GALNT12: variants seen among roughly 807,000 people sequenced by gnomAD.
The protein encoded by GALNT12 is polypeptide N-acetylgalactosaminyltransferase 12.
Under a neutral mutation model 55.5 loss-of-function variants are expected in GALNT12, and 45 were observed. That is an observed-to-expected ratio of 0.81 (90% CI 0.64 to 1.04). The LOEUF (loss-of-function observed/expected upper bound fraction) is 1.04. Ranked by LOEUF, GALNT12 falls within the 50% of genes least tolerant of loss-of-function variation. The pLI is 0.00. For synonymous variants in GALNT12, 304 were observed against 312.2 expected (o/e 0.97, Z 0.28); for missense variants, 709 against 754.8 (o/e 0.94, Z 0.71).
At chr9:98,845,207 C>T (rs1194379879) in intron 8 of GALNT12, among the ~76,000 whole-genome samples, 10 of 152,094 alleles carry the variant, frequency 6.6e-5, no homozygotes, top group African/African-American at 2.2e-4. Flanking sequence ...CCAACACTAC[C>T]GAATCCCAGA....
intron 1 of GALNT12, among the ~76,000 whole-genome samples, chr9:98,820,819 T>C (rs1442803035): frequency 6.6e-6 from 1 of 152,220 alleles, no homozygotes. Context: ...TATCTCTTCT[T>C]ATTGGTTCAT....
intron 1 of GALNT12, among the ~76,000 whole-genome samples, chr9:98,820,861 G>A (rs750980735): frequency 2.0e-5 from 3 of 152,168 alleles, no homozygotes; most frequent in South Asian, 2.1e-4. Context: ...ACCCAGGGCT[G>A]CTTAACTTTG....
rs1836004426 is a variant in GALNT12, at chr9:98,831,823, C to G, written c.783C>G (p.Asp261Glu). Residue 261 changes from aspartate (D) to glutamate (E), a missense_variant, in exon 4 of 10, where the codon GAC (aspartate) becomes GAG (glutamate). Physicochemically the swap from Asp to Glu is conservative, Grantham distance 45. Around this residue, in one of 5 missense-constraint regions of GALNT12, gnomAD observed 315 missense variants for 288.6 expected, o/e 1.09. Transcript: ENST00000375011. Reference sequence around the variant, plus strand: ...TGTGCCCGGTGATTGATGTGATCGACTGGAACACCTTCGAATACCTGGGGA... The same window carrying G: ...TGTGCCCGGTGATTGATGTGATCGAGTGGAACACCTTCGAATACCTGGGGA... Reference protein sequence around the residue: ...AVVCPVIDVIDWNTFEYLGNS... With the variant: ...AVVCPVIDVIEWNTFEYLGNS... 6.2e-7 allele frequency: 1 copy of G among 1,614,078 alleles called. No homozygotes were observed. The highest frequency in any genetic ancestry group is 1.3e-5 in the African/African-American group (1 of 74,922).
chr9:98,825,087 G>A (rs915042970), intron 2 of GALNT12, among the ~76,000 whole-genome samples: 3 of 152,230 alleles, frequency 2.0e-5, no homozygotes, highest in Non-Finnish European at 4.4e-5. Flanking sequence ...CATTGAATGA[G>A]ATGAGGAGGG....
At position 98,826,856 on chromosome 9, in the gene GALNT12, G is replaced by A. The variant is rs770798296; in HGVS notation, c.646G>A (p.Ala216Thr). 8.1e-6 allele frequency: 13 copies of A among 1,605,802 alleles called. No homozygotes were observed. Among genetic ancestry groups the A allele is most frequent in the Non-Finnish European group, 1.1e-5 (13 of 1,176,638 alleles). Residue 216 changes from alanine (A) to threonine (T), a missense_variant, in exon 3 of 10, where the codon GCG becomes ACG. Transcript: ENST00000375011. ...CCTGGTGCGAGCCCGGCTGCTGGGG[G>A]CGTCTGCGGCGAGGGGCGATGTTCT... Reference protein sequence around the residue: ...EGLVRARLLGASAARGDVLTF... With the variant: ...EGLVRARLLGTSAARGDVLTF...
rs141654874 is a variant in GALNT12 at position 98,826,251 on chromosome 9, G to C, written c.542-501G>C. 2.3e-3 allele frequency among the ~76,000 whole-genome samples: 351 copies of C among 152,286 alleles called. 1 individual carries two copies. The highest frequency in any genetic ancestry group is 8.2e-3 in the African/African-American group (340 of 41,562). On this transcript the variant is annotated intron_variant, in intron 2 of 9. Transcript: ENST00000375011. The stretch of plus-strand genomic sequence containing the variant: ...AGGTTATCTAGAAATCACCTAGGTA[G>C]TACTTGGCACAGCAAGTCCTCTTTA...
intron 1 of GALNT12, among the ~76,000 whole-genome samples, chr9:98,819,295 C>T (rs1179287386): frequency 6.6e-6 from 1 of 152,192 alleles, no homozygotes; most frequent in Admixed American, 6.5e-5. Context: ...TTCTCTGGAG[C>T]ACAAAGCCTT....
rs780652927 is a variant in GALNT12 at position 98,826,786 on chromosome 9, G to A, written c.576G>A (p.Ser192=). 21 of 1,611,704 alleles carry A rather than the reference G, an allele frequency of 1.3e-5. No homozygotes were observed. The highest frequency in any genetic ancestry group is 2.1e-4 in the Middle Eastern group (1 of 4,740). The change falls in exon 3 of 10, where the codon TCG becomes TCA. Residue 192 remains serine, a synonymous_variant. Transcript: ENST00000375011. ...HLKERLANEL[S]GLPKVRLIRA... The stretch of plus-strand genomic sequence containing the variant: ...AGGAGCGCTTGGCCAATGAGCTTTC[G>A]GGACTGCCCAAGGTGCGCCTGATCC...
chr9:98,831,750 T>G (rs1472340290), intron 3 of GALNT12, 22 bp from the exon 4 acceptor site: 1 of 1,613,994 alleles, frequency 6.2e-7, no homozygotes, highest in African/African-American at 1.3e-5. Flanking sequence ...GAGAGACGGA[T>G]GGATGTCTTG....
At chr9:98,838,490 T>C (rs1212065485) in intron 6 of GALNT12, among the ~76,000 whole-genome samples, 1 of 152,244 alleles carries the variant, frequency 6.6e-6, no homozygotes, top group Non-Finnish European at 1.5e-5. Context: ...TGTCGGAGGC[T>C]GAGGTTCAGC....
chr9:98,812,672 T>A (rs1456421026), intron 1 of GALNT12, among the ~76,000 whole-genome samples: 1 of 152,248 alleles, frequency 6.6e-6, no homozygotes, highest in Non-Finnish European at 1.5e-5. Context: ...TTACTGATGC[T>A]TTTGGATTTG....
intron 4 of GALNT12, 49 bp downstream of exon 4, chr9:98,832,006 A>C (rs760608764): frequency 4.6e-6 from 7 of 1,530,048 alleles, no homozygotes; most frequent in Non-Finnish European, 5.4e-6. Context: ...TGCCTCATTG[A>C]ATCTGGCTGA....
intron 1 of GALNT12, among the ~76,000 whole-genome samples, chr9:98,814,506 C>T (rs951864223): frequency 6.6e-6 from 1 of 151,926 alleles, no homozygotes; most frequent in Non-Finnish European, 1.5e-5. Flanking sequence ...GTCAGGAGTT[C>T]GAGACCAGCC....
At chr9:98,810,799 A>AGTTT (rs1216656636) in intron 1 of GALNT12, among the ~76,000 whole-genome samples, 1 of 152,180 alleles carries the variant, frequency 6.6e-6, no homozygotes, top group African/African-American at 2.4e-5. Context: ...ATTCGAGTAT[A>AGTTT]GTTTTGTTAG....
chr9:98,849,197 C>A lies in GALNT12; in HGVS notation c.*105C>A, dbSNP rs1836493859. 2 of 1,186,484 alleles carry A rather than the reference C, an allele frequency of 1.7e-6. No individual in the cohort carries two copies. Among genetic ancestry groups the A allele is most frequent in the Admixed American group, 1.8e-5 (1 of 56,362 alleles). The allele number at this position is 1,186,484 out of a possible 1,614,324, so 73.5% of individuals were successfully genotyped here. ...CCAGAACCCACCAAAAACTAGGCTG[C>A]ATTGCTTTGAAGAGGCAATCATTTT... On this transcript the variant is annotated 3_prime_UTR_variant, in exon 10 of 10. Coordinates refer to ENST00000375011, the MANE Select transcript of GALNT12 (RefSeq NM_024642.5).
chr9:98,832,410 C>G (rs1236146647), intron 4 of GALNT12, among the ~76,000 whole-genome samples: 1 of 152,030 alleles, frequency 6.6e-6, no homozygotes, highest in East Asian at 1.9e-4. Context: ...GCCTAGCTAG[C>G]TGGAAGGCTG....
chr9:98,828,284 C>T (rs1835908030), intron 3 of GALNT12, among the ~76,000 whole-genome samples: 1 of 152,204 alleles, frequency 6.6e-6, no homozygotes, highest in African/African-American at 2.4e-5. Flanking sequence ...TTCTTGTCAG[C>T]TGCAGGTTCT....
Position 98,849,221 on chromosome 9 carries a change from TTGC to T in GALNT12, c.*130_*132del. On this transcript the variant is annotated 3_prime_UTR_variant, in exon 10 of 10. Coordinates refer to ENST00000375011, the MANE Select transcript of GALNT12 (RefSeq NM_024642.5). ...GCATTGCTTTGAAGAGGCAATCATT[TTGC>T]CATTTGTGAAAGTTGTGTTGGATTT... 3 of 887,606 alleles carry T rather than the reference TTGC, an allele frequency of 3.4e-6. No individual in the cohort carries two copies. Among genetic ancestry groups the T allele is most frequent in the Non-Finnish European group, 5.4e-6 (3 of 550,772 alleles). The allele number at this position is 887,606 out of a possible 1,614,324, so 55.0% of individuals were successfully genotyped here.
intron 9 of GALNT12, 103 bp downstream of exon 9, chr9:98,846,226 G>A: frequency 6.9e-7 from 1 of 1,457,356 alleles, no homozygotes; most frequent in Non-Finnish European, 9.6e-7. Flanking sequence ...GAGGATCAGG[G>A]ATGTGGCCAT....
Sources: gnomAD v4.1 joint callset for allele counts (sites outside exome capture counted in the v4.1 genomes callset) on GRCh38, gnomAD v4.1.1 for gene constraint, gnomAD v4.1.1 regional missense constraint, MANE v1.5 for transcripts, NCBI Gene and HGNC (gene_info 2026-07-23, HGNC 2026-07-21) for gene names.